Variants in FHOD3 observed in about 807,000 individuals in gnomAD.
The protein encoded by FHOD3 is formin homology 2 domain containing 3, also known as FH1/FH2 domain-containing protein 3.
A neutral mutation model predicts 173.0 loss-of-function variants in FHOD3; 90 were observed. The ratio of observed to expected loss-of-function variants is 0.52; its 90% CI spans 0.44 to 0.62. The LOEUF (loss-of-function observed/expected upper bound fraction) is 0.62, where lower values mean the gene tolerates loss of function less well. Ranked by LOEUF, FHOD3 falls within the 20% of genes least tolerant of loss-of-function variation. The pLI is 0.00. For missense variants in FHOD3, 1,945 were observed against 2,034.7 expected, an observed-to-expected ratio of 0.96 and a Z score of 0.85; for synonymous variants, 828 against 823.0, an observed-to-expected ratio of 1.01 and a Z score of -0.10.
intron 3 of FHOD3, among the ~76,000 whole-genome samples, chr18:36,424,595 G>T (rs1435383792): frequency 6.6e-6 from 1 of 152,130 alleles, no homozygotes; most frequent in Non-Finnish European, 1.5e-5. Context: ...TTGAATGAAT[G>T]AATCTCAGAT....
chr18:36,481,901 A>G (rs943529899), intron 3 of FHOD3, among the ~76,000 whole-genome samples: 2 of 152,182 alleles, frequency 1.3e-5, no homozygotes, highest in Admixed American at 6.5e-5. Context: ...AGTGAGAACA[A>G]ATTAATTCAT....
At chr18:36,531,578 G>A (rs1261497317) in intron 5 of FHOD3, among the ~76,000 whole-genome samples, 1 of 152,194 alleles carries the variant, frequency 6.6e-6, no homozygotes, top group Non-Finnish European at 1.5e-5. Context: ...GAATGCCTCT[G>A]GGATGCATTT....
At chr18:36,525,201 C>A (rs1287095618) in intron 5 of FHOD3, among the ~76,000 whole-genome samples, 1 of 152,124 alleles carries the variant, frequency 6.6e-6, no homozygotes, top group East Asian at 1.9e-4. Context: ...GGTCCCAAAT[C>A]TTTGGATTTT....
intron 2 of FHOD3, among the ~76,000 whole-genome samples, chr18:36,362,476 C>T (rs2046674776): frequency 6.6e-6 from 1 of 152,156 alleles, no homozygotes; most frequent in Non-Finnish European, 1.5e-5. Context: ...ACCTGTTAGT[C>T]TGAGGTTATG....
intron 3 of FHOD3, among the ~76,000 whole-genome samples, chr18:36,469,333 C>A (rs1025757788): frequency 1.3e-5 from 2 of 152,094 alleles, no homozygotes; most frequent in African/African-American, 2.4e-5. Flanking sequence ...ACGTGTAAAC[C>A]ACACTCAGAG....
At position 36,434,560 on chromosome 18, in the gene FHOD3, TTAA is replaced by T. The variant is rs547898157; in HGVS notation, c.337+61821_337+61823del. Among the ~76,000 whole-genome samples the T allele has an allele frequency of 4.5e-3, 681 of 152,352 alleles. 7 individuals carry two copies. Among genetic ancestry groups the T allele is most frequent in the African/African-American group, 0.016 (647 of 41,586 alleles). ...TGCCCTTTGTATTTCTATATACATT[TTAA>T]TAATCAGATTGTTGATTTTTTTTAT... On this transcript the variant is annotated intron_variant, in intron 3 of 28. Coordinates refer to ENST00000590592, the MANE Select transcript of FHOD3 (RefSeq NM_001281740.3).
In FHOD3 at chr18:36,709,195, C is replaced by T; in HGVS notation, c.2337C>T (p.Ala779=). The part of the protein sequence containing the change: ...ADEAGQDIAS[A]HEGAETEVEQ... ...AAGCTGGCCAGGACATAGCCTCTGC[C>T]CACGAGGGTGCAGAGACTGAAGTGG... The change falls in exon 18 of 29, where the codon GCC becomes GCT. Residue 779 remains alanine (A), a synonymous_variant. Coordinates refer to ENST00000590592, the MANE Select transcript of FHOD3 (RefSeq NM_001281740.3). The T allele has an allele frequency of 6.2e-7, 1 of 1,614,100 alleles. No individual in the cohort carries two copies. The highest frequency in any genetic ancestry group is 1.3e-5 in the African/African-American group (1 of 75,022).
At chr18:36,479,902 A>G (rs775661767) in intron 3 of FHOD3, among the ~76,000 whole-genome samples, 1 of 152,088 alleles carries the variant, frequency 6.6e-6, no homozygotes, top group Non-Finnish European at 1.5e-5. Flanking sequence ...TATTCTTCCC[A>G]CAGTTCTTCC....
chr18:36,299,066 C>T (rs1460083931), intron 1 of FHOD3, among the ~76,000 whole-genome samples: 2 of 151,934 alleles, frequency 1.3e-5, no homozygotes, highest in Non-Finnish European at 2.9e-5. Context: ...AAAAAAACCT[C>T]GGATTTCTGT....
chr18:36,652,242 G>A (rs368438558), intron 11 of FHOD3, among the ~76,000 whole-genome samples: 4 of 152,228 alleles, frequency 2.6e-5, no homozygotes, highest in African/African-American at 9.6e-5. Context: ...AACATGGGAG[G>A]TGCCGGGTGC....
chr18:36,493,218 T>C (rs1025627413), intron 3 of FHOD3, among the ~76,000 whole-genome samples: 7 of 151,116 alleles, frequency 4.6e-5, no homozygotes, highest in African/African-American at 1.2e-4. Flanking sequence ...TTTTTCTTTT[T>C]TTTTTTTTTT....
Position 36,695,859 on chromosome 18 carries a change from C to T in FHOD3, c.2236+2436C>T, listed in dbSNP as rs189146348. 2.6e-4 allele frequency among the ~76,000 whole-genome samples: 40 copies of T among 152,310 alleles called. No homozygotes were observed. The East Asian group carries it at 6.4e-3, about 24-fold the overall frequency. On this transcript the variant is annotated intron_variant, in intron 17 of 28. Coordinates refer to ENST00000590592, the MANE Select transcript of FHOD3 (RefSeq NM_001281740.3). ...ATAGTATATTCTTTTTACCAAGTCC[C>T]ATTTTCAAATGTTCAAAAGTAACCT...
chr18:36,617,622 A>G (rs368812329), intron 9 of FHOD3, among the ~76,000 whole-genome samples: 3 of 32,490 alleles, frequency 9.2e-5, no homozygotes, highest in Non-Finnish European at 1.4e-4. Flanking sequence ...TGTGTGTGCA[A>G]TAGTTAAGAT....
At chr18:36,363,553 T>C (rs2046738605) in intron 2 of FHOD3, among the ~76,000 whole-genome samples, 1 of 152,172 alleles carries the variant, frequency 6.6e-6, no homozygotes, top group South Asian at 2.1e-4. Flanking sequence ...AAAAGCTACA[T>C]ACTGTGAGTC....
At chr18:36,536,883 A>G (rs1020493730) in intron 5 of FHOD3, among the ~76,000 whole-genome samples, 1 of 152,214 alleles carries the variant, frequency 6.6e-6, no homozygotes, top group African/African-American at 2.4e-5. Flanking sequence ...GAAATACTAT[A>G]ATTTTTCAAA....
intron 1 of FHOD3, among the ~76,000 whole-genome samples, chr18:36,347,398 A>T (rs1281726339): frequency 6.6e-6 from 1 of 152,188 alleles, no homozygotes; most frequent in African/African-American, 2.4e-5. Flanking sequence ...TTTCTTGCAG[A>T]ATTTGATAGA....
intron 5 of FHOD3, among the ~76,000 whole-genome samples, chr18:36,550,406 C>G (rs2057602655): frequency 6.6e-6 from 1 of 151,680 alleles, no homozygotes; most frequent in Non-Finnish European, 1.5e-5. Context: ...CTGTTCTTCT[C>G]TTTCAAAGAC....
At chr18:36,619,389 T>C (rs1313155098) in intron 9 of FHOD3, among the ~76,000 whole-genome samples, 1 of 152,210 alleles carries the variant, frequency 6.6e-6, no homozygotes, top group Non-Finnish European at 1.5e-5. Flanking sequence ...ACAAAAATTC[T>C]GAACGGACTC....
chr18:36,511,265 G>A (rs2055624807), intron 4 of FHOD3, among the ~76,000 whole-genome samples: 1 of 151,958 alleles, frequency 6.6e-6, no homozygotes, highest in African/African-American at 2.4e-5. Context: ...AATCTCAGTT[G>A]AGGAAAACAA....
Sources: allele counts gnomAD v4.1 joint callset (sites outside exome capture counted in the v4.1 genomes callset), GRCh38; gene constraint gnomAD v4.1.1; transcripts MANE v1.5; gene names NCBI Gene and HGNC (gene_info 2026-07-23, HGNC 2026-07-21).